MYO1C: variants seen among roughly 807,000 people sequenced by gnomAD.
MYO1C encodes the protein unconventional myosin-Ic.
Under a neutral mutation model 150.8 loss-of-function variants are expected in MYO1C, and 104 were observed. That is an observed-to-expected ratio of 0.69 (90% confidence interval 0.59 to 0.81). The LOEUF (loss-of-function observed/expected upper bound fraction) is 0.81. MYO1C is among the 30% of genes least tolerant of loss of function. MYO1C has a pLI of 0.00. For missense variants in MYO1C, 1,504 were observed against 1,435.0 expected, an observed-to-expected ratio of 1.05 and a Z score of -0.78; for synonymous variants, 663 against 579.9, an observed-to-expected ratio of 1.14 and a Z score of -2.06.
intron 21 of MYO1C, 157 bp downstream of exon 21, chr17:1,470,914 G>C: frequency 1.0e-6 from 1 of 959,804 alleles, no homozygotes; most frequent in Non-Finnish European, 1.6e-6. Flanking sequence ...GCTCCAAGTC[G>C]GCCATTGGAC....
At chr17:1,482,704 C>T in intron 4 of MYO1C, 146 bp from the exon 5 acceptor site, 1 of 446,928 alleles carries the variant, frequency 2.2e-6, no homozygotes, top group Non-Finnish European at 4.0e-6. Flanking sequence ...GCTTCTCTCC[C>T]TGCCCTCCCC....
Position 1,471,288 on chromosome 17 carries a change from C to T in MYO1C, c.2070G>A (p.Pro690=), listed in dbSNP as rs760133195. ...PETWPTWAGR[P]QDGVAVLVRH... is the part of the protein sequence containing the mutation. ...GGACCAGCACAGCCACCCCATCCTG[C>T]GGCCGTCCTGCCCACGTGGGCCACG... Residue 690 remains proline (P), a synonymous_variant, in exon 20 of 32, where the codon CCG becomes CCA. Coordinates refer to ENST00000648651, the MANE Select transcript of MYO1C (RefSeq NM_001080779.2). 1.4e-5 allele frequency: 22 copies of T among 1,613,892 alleles called. No individual in the cohort carries two copies. The highest frequency in any genetic ancestry group is 3.3e-5 in the Admixed American group (2 of 60,002).
chr17:1,490,991 C>T (rs2074723257), intron 1 of MYO1C: 1 of 152,602 alleles, frequency 6.6e-6, no homozygotes, highest in East Asian at 1.9e-4. Context: ...CCCAAACACG[C>T]AGCGCCTCCT....
chr17:1,472,073 T>C (rs2074315440), intron 18 of MYO1C, 49 bp from the exon 19 acceptor site: 18 of 1,612,710 alleles, frequency 1.1e-5, no homozygotes, highest in Non-Finnish European at 1.5e-5. Flanking sequence ...TGACGGCCTG[T>C]CTCCTGCAGG....
chr17:1,476,809 A>G (rs977782607), intron 14 of MYO1C, among the ~76,000 whole-genome samples: 4 of 152,022 alleles, frequency 2.6e-5, no homozygotes, highest in Non-Finnish European at 4.4e-5. Context: ...AAACAAGAAG[A>G]AGGAGGAAGC....
rs755165214 is a variant in MYO1C at position 1,479,733 on chromosome 17, G to T, written c.907-28C>A. 1 of 1,548,994 alleles carries T rather than the reference G, an allele frequency of 6.5e-7. No individual in the cohort carries two copies. Among genetic ancestry groups the T allele is most frequent in the Non-Finnish European group, 8.8e-7 (1 of 1,132,540 alleles). On this transcript the variant is annotated intron_variant, in intron 7 of 31. Coordinates refer to ENST00000648651, the MANE Select transcript of MYO1C (RefSeq NM_001080779.2). This position sits in a 1 kb window ranked among gnomAD's most constrained non-coding sequence, Gnocchi z 4.2. ...GGGGGAGCAGGCCGGGGGCAGGAGG[G>T]GGTGAGAGGGGCCAGAGAGCCCCAA...
intron 1 of MYO1C, among the ~76,000 whole-genome samples, chr17:1,487,438 G>T (rs969048845): frequency 2.0e-5 from 3 of 152,240 alleles, no homozygotes; most frequent in African/African-American, 7.2e-5. Flanking sequence ...CGGCAGGTGC[G>T]GGCCGGATCC....
chr17:1,480,861 G>T lies in MYO1C; in HGVS notation c.652C>A (p.Leu218Ile). 6.2e-7 allele frequency: 1 copy of T among 1,614,164 alleles called. No individual in the cohort carries two copies. The highest frequency in any genetic ancestry group is 8.5e-7 in the Non-Finnish European group (1 of 1,180,042). The change falls in exon 6 of 32, where the codon CTC becomes ATC. Residue 218 changes from leucine to isoleucine, a missense_variant. Leu to Ile is a conservative substitution (Grantham distance 5). Coordinates refer to ENST00000648651, the MANE Select transcript of MYO1C (RefSeq NM_001080779.2). ...FKGAPVGGHI[L>I]SYLLEKSRVV... ...CGTGACTTTTCCAGGAGGTAACTGA[G>T]GATGTGGCCACCCACGGGGGCACCC...
rs757291543 is a variant in MYO1C, at chr17:1,467,829, T to TCCAC, written c.2967+10_2967+11insGTGG. 2 of 1,519,906 alleles carry TCCAC rather than the reference T, an allele frequency of 1.3e-6. No individual in the cohort carries two copies. The highest frequency in any genetic ancestry group is 1.6e-5 in the African/African-American group (1 of 60,776). 94.2% of individuals were successfully genotyped at this position (1,519,906 alleles called of 1,614,324 possible). ...ATCCCCCACCACTCCTCCCCATCCATGAAAAGGCACCTTTTGCTTATTGTC... is the reference window on the plus strand; with the variant it reads ...ATCCCCCACCACTCCTCCCCATCCATCCACGAAAAGGCACCTTTTGCTTATTGTC... On this transcript the variant is annotated intron_variant, in intron 29 of 31. Transcript: ENST00000648651.
At position 1,475,013 on chromosome 17, in the gene MYO1C, G is replaced by T; in HGVS notation, c.1594C>A (p.Arg532=). ...HFLTHKLADQ[R]TRKSLGRGEF... ...CCTCGGCCCAGAGATTTCCTGGTCC[G>T]CTGGTCAGCCAGCTTGTGCCTGGGG... Residue 532 remains arginine (R), a synonymous_variant, in exon 15 of 32, where the codon CGG becomes AGG. Transcript: ENST00000648651. 6.4e-7 allele frequency: 1 copy of T among 1,552,642 alleles called. No homozygotes were observed. Among genetic ancestry groups the T allele is most frequent in the Non-Finnish European group, 8.7e-7 (1 of 1,147,642 alleles).
In MYO1C at chr17:1,478,407, G is replaced by A. The variant is rs201086772; in HGVS notation, c.1295+3C>T. 516 of 1,614,128 alleles carry A rather than the reference G, an allele frequency of 3.2e-4. 2 individuals are homozygous for A. In the African/African-American group the frequency reaches 5.5e-3, roughly 17 times the overall value. On this transcript the variant is annotated splice_donor_region_variant and intron_variant, in intron 11 of 31. Transcript: ENST00000648651. This position sits in a 1 kb window ranked among gnomAD's most constrained non-coding sequence, Gnocchi z 6.3. The stretch of plus-strand genomic sequence containing the variant: ...GGAGAGACGGGGGAAAGATGGCACC[G>A]ACCTGTTATGCTGAAACACTTCAAA...
intron 14 of MYO1C, among the ~76,000 whole-genome samples, chr17:1,475,484 CAG>C (rs988867555): frequency 3.9e-5 from 6 of 152,156 alleles, no homozygotes; most frequent in African/African-American, 1.4e-4. Flanking sequence ...CATGGAGGCT[CAG>C]AGAGGTAGAT....
chr17:1,469,384 T>C, intron 25 of MYO1C, 147 bp downstream of exon 25: 2 of 762,074 alleles, frequency 2.6e-6, no homozygotes, highest in Non-Finnish European at 4.5e-6. Context: ...TAGACCAGGG[T>C]AAATACGGTA....
rs779020986 is a variant in MYO1C at position 1,465,720 on chromosome 17, CCTTTATCACCGAGAATTCAGCCGTGG to C, written c.3172_*5del. ...GGGCGTTGGGAGGGTCCAGTGGGCG[CCTTTATCACCGAGAATTCAGCCGTGG>C]GGCGACCTGTGGGGGCGGAGAGAGA... is the stretch of plus-strand genomic sequence containing the variant. On this transcript the variant is annotated stop_lost and 3_prime_UTR_variant, in exon 32 of 32. Coordinates refer to ENST00000648651, the MANE Select transcript of MYO1C (RefSeq NM_001080779.2). The C allele has an allele frequency of 7.5e-7, 1 of 1,325,324 alleles. No homozygotes were observed. The highest frequency in any genetic ancestry group is 9.7e-7 in the Non-Finnish European group (1 of 1,027,846). 82.1% of individuals were successfully genotyped at this position (1,325,324 alleles called of 1,614,324 possible). A position where few individuals can be genotyped will look rare whatever the true frequency, so the allele number is the denominator to read the frequency against.
In MYO1C at chr17:1,482,619, C is replaced by T. The variant is rs2074546882; in HGVS notation, c.547-61G>A. ...CTCTCCCCCTGCCCTCCCCACCCCG[C>T]CTTGTAGCTACTGCTGCCCCTCCCC... On this transcript the variant is annotated intron_variant, in intron 4 of 31. Coordinates refer to ENST00000648651, the MANE Select transcript of MYO1C (RefSeq NM_001080779.2). 1.2e-5 allele frequency: 16 copies of T among 1,365,000 alleles called. No individual in the cohort carries two copies. In the South Asian group the frequency reaches 1.4e-4, roughly 12 times the overall value. 84.6% of individuals were successfully genotyped at this position (1,365,000 alleles called of 1,614,324 possible).
intron 14 of MYO1C, chr17:1,477,159 A>T: frequency 3.9e-6 from 1 of 258,298 alleles, no homozygotes; most frequent in African/African-American, 2.2e-5. Context: ...TTTTTAAAAA[A>T]TTCATTATTT....
At position 1,478,032 on chromosome 17, in the gene MYO1C, C is replaced by T. The variant is rs1377295128; in HGVS notation, c.1401+55G>A. 6.2e-6 allele frequency: 10 copies of T among 1,612,614 alleles called. No individual in the cohort carries two copies. In the Middle Eastern group the frequency reaches 9.9e-4, roughly 159 times the overall value. ...GGTCCTGGCACCCTCTCCCAGGGGCCCCGATACCCAGGCTCCCCGTGGCCC... is the reference window on the plus strand; with the variant it reads ...GGTCCTGGCACCCTCTCCCAGGGGCTCCGATACCCAGGCTCCCCGTGGCCC... On this transcript the variant is annotated intron_variant, in intron 12 of 31. Transcript: ENST00000648651. This position sits in a 1 kb window ranked among gnomAD's most constrained non-coding sequence, Gnocchi z 6.3.
chr17:1,479,545 C>CCCCCCCCCCCCCCCCCCA lies in MYO1C; in HGVS notation c.1021-44_1021-43insTGGGGGGGGGGGGGGGGG. On this transcript the variant is annotated intron_variant, in intron 8 of 31. Transcript: ENST00000648651. This position sits in a 1 kb window ranked among gnomAD's most constrained non-coding sequence, Gnocchi z 4.2. ...GGACACGGTGAGGGTGCACCCCCAG[C>CCCCCCCCCCCCCCCCCCA]CCCCGCCCCCGCCGTCCTCCCGTCG... 7.6e-7 allele frequency: 1 copy of CCCCCCCCCCCCCCCCCCA among 1,320,344 alleles called. No individual in the cohort carries two copies. Among genetic ancestry groups the CCCCCCCCCCCCCCCCCCA allele is most frequent in the African/African-American group, 1.4e-5 (1 of 68,984 alleles). 81.8% of individuals were successfully genotyped at this position (1,320,344 alleles called of 1,614,324 possible).
intron 17 of MYO1C, among the ~76,000 whole-genome samples, chr17:1,472,845 G>A (rs1013075188): frequency 2.7e-5 from 4 of 150,260 alleles, no homozygotes; most frequent in Non-Finnish European, 5.9e-5. Context: ...GACTGAGGGG[G>A]AGCTGCTAAG....
Sources: gnomAD v4.1 joint callset for allele counts (sites outside exome capture counted in the v4.1 genomes callset) on GRCh38, gnomAD v4.1.1 for gene constraint, Gnocchi (gnomAD v3.1) non-coding constraint, MANE v1.5 for transcripts, NCBI Gene and HGNC (gene_info 2026-07-23, HGNC 2026-07-21) for gene names.